The following CA8 variants were observed in gnomAD, a reference collection of about 807,000 sequenced individuals.
The protein encoded by CA8 is carbonic anhydrase 8 (inactive).
Under a neutral mutation model 41.4 loss-of-function variants are expected in CA8, and 22 were observed. That is an observed-to-expected ratio of 0.53 (90% CI 0.38 to 0.76). CA8 has a LOEUF of 0.76. Ranked by LOEUF, CA8 falls within the 30% of genes least tolerant of loss-of-function variation. The probability of loss-of-function intolerance (pLI) is 0.00; values close to 1 mark genes in which losing one functional copy is unlikely to be tolerated. For synonymous variants in CA8, 121 were observed against 130.6 expected (o/e 0.93, Z 0.50); for missense variants, 270 against 352.8 (o/e 0.77, Z 1.88).
At chr8:60,271,451 A>C (rs1312899902) in intron 2 of CA8, among the ~76,000 whole-genome samples, 1 of 152,248 alleles carries the variant, frequency 6.6e-6, no homozygotes, top group Non-Finnish European at 1.5e-5. Flanking sequence ...ATAATTTTTA[A>C]GATATTTTTG....
intron 3 of CA8, among the ~76,000 whole-genome samples, chr8:60,252,905 G>A (rs1808501328): frequency 6.6e-6 from 1 of 151,946 alleles, no homozygotes; most frequent in African/African-American, 2.4e-5. Context: ...AACCTATATT[G>A]TTCTTTAACT....
At chr8:60,225,664 A>G (rs1807412880) in intron 5 of CA8, among the ~76,000 whole-genome samples, 1 of 152,150 alleles carries the variant, frequency 6.6e-6, no homozygotes, top group South Asian at 2.1e-4. Flanking sequence ...TGATTCCCAA[A>G]TTGATCTTTC....
intron 3 of CA8, among the ~76,000 whole-genome samples, chr8:60,248,944 G>A (rs922041100): frequency 3.7e-4 from 57 of 152,160 alleles, no homozygotes; most frequent in African/African-American, 1.2e-3. Context: ...CTTGAGCAGT[G>A]GTTTGTAGTT....
intron 1 of CA8, among the ~76,000 whole-genome samples, chr8:60,280,270 G>A (rs1344073831): frequency 6.6e-6 from 1 of 152,180 alleles, no homozygotes; most frequent in African/African-American, 2.4e-5. Flanking sequence ...CTTAGTGACA[G>A]TCAGAACCCT....
intron 8 of CA8, among the ~76,000 whole-genome samples, chr8:60,192,298 T>A (rs1200606767): frequency 6.6e-6 from 1 of 152,166 alleles, no homozygotes; most frequent in Non-Finnish European, 1.5e-5. Context: ...TGCTGTAAGA[T>A]TTTAGGCAAT....
intron 2 of CA8, among the ~76,000 whole-genome samples, chr8:60,276,784 C>A (rs867889468): frequency 6.6e-6 from 1 of 151,960 alleles, no homozygotes; most frequent in Admixed American, 6.6e-5. Context: ...AAGTATACAG[C>A]GATAATACGA....
At chr8:60,239,380 T>C (rs2130515961) in intron 3 of CA8, among the ~76,000 whole-genome samples, 1 of 152,306 alleles carries the variant, frequency 6.6e-6, no homozygotes, top group African/African-American at 2.4e-5. Flanking sequence ...AGGGAGCAGA[T>C]ACCCCTAGAG....
intron 7 of CA8, among the ~76,000 whole-genome samples, chr8:60,217,274 C>G (rs1229460922): frequency 6.6e-6 from 1 of 152,156 alleles, no homozygotes; most frequent in Non-Finnish European, 1.5e-5. Context: ...CCATAGACAC[C>G]CAGCTCGTCT....
rs1230118976 is a variant in CA8, at chr8:60,224,589, A to G, written c.577-4T>C. Reference sequence around the variant, plus strand: ...AAGGTATTGTTTTGGACTTCCCCTGAAAAAGAAAAAAATATTTACCCAATG... The same window carrying G: ...AAGGTATTGTTTTGGACTTCCCCTGGAAAAGAAAAAAATATTTACCCAATG... On this transcript the variant is annotated splice_polypyrimidine_tract_variant and splice_region_variant and intron_variant, in intron 5 of 8. Coordinates refer to ENST00000317995, the MANE Select transcript of CA8 (RefSeq NM_004056.6). 1 of 1,510,402 alleles carries G rather than the reference A, an allele frequency of 6.6e-7. No homozygotes were observed. Among genetic ancestry groups the G allele is most frequent in the East Asian group, 2.3e-5 (1 of 44,236 alleles). 93.6% of individuals were successfully genotyped at this position (1,510,402 alleles called of 1,614,324 possible).
chr8:60,264,648 C>T (rs1803843749), intron 3 of CA8, among the ~76,000 whole-genome samples: 1 of 152,162 alleles, frequency 6.6e-6, no homozygotes, highest in South Asian at 2.1e-4. Context: ...CCCATCAAGG[C>T]CTTTGAGAAA....
intron 3 of CA8, among the ~76,000 whole-genome samples, chr8:60,247,817 G>C (rs1808303625): frequency 6.6e-6 from 1 of 152,164 alleles, no homozygotes; most frequent in Non-Finnish European, 1.5e-5. Flanking sequence ...CTAGATCCTT[G>C]AGGAATCGCC....
At chr8:60,204,416 G>GA (rs1166391955) in intron 8 of CA8, among the ~76,000 whole-genome samples, 12 of 152,016 alleles carry the variant, frequency 7.9e-5, no homozygotes, top group Admixed American at 5.2e-4. Context: ...ATAGTGGGAG[G>GA]AAAAAATCAT....
intron 2 of CA8, among the ~76,000 whole-genome samples, chr8:60,276,671 G>A (rs1804246315): frequency 6.6e-6 from 1 of 152,104 alleles, no homozygotes; most frequent in Non-Finnish European, 1.5e-5. Context: ...CTATTTGGGT[G>A]ACAGTTACAC....
chr8:60,219,190 GC>G (rs1807144394), intron 7 of CA8, among the ~76,000 whole-genome samples: 1 of 146,916 alleles, frequency 6.8e-6, no homozygotes, highest in South Asian at 2.1e-4. Flanking sequence ...ACGGAGTCTC[GC>G]TCTGTTGCCC....
intron 3 of CA8, among the ~76,000 whole-genome samples, chr8:60,258,776 C>T (rs187957526): frequency 5.9e-5 from 9 of 152,016 alleles, no homozygotes; most frequent in Admixed American, 3.3e-4. Flanking sequence ...CCCTCACATG[C>T]GCAGTTCACA....
At chr8:60,203,822 T>TA (rs991815555) in intron 8 of CA8, among the ~76,000 whole-genome samples, 1 of 152,070 alleles carries the variant, frequency 6.6e-6, no homozygotes, top group African/African-American at 2.4e-5. Flanking sequence ...ACCTAATTCA[T>TA]AAAAAAAATT....
chr8:60,269,116 A>C (rs1803988787), intron 2 of CA8, among the ~76,000 whole-genome samples: 1 of 152,232 alleles, frequency 6.6e-6, no homozygotes, highest in Non-Finnish European at 1.5e-5. Context: ...GCCAGGTAAG[A>C]GCATTACCTG....
At chr8:60,199,992 G>C (rs1806376903) in intron 8 of CA8, among the ~76,000 whole-genome samples, 1 of 152,170 alleles carries the variant, frequency 6.6e-6, no homozygotes, top group South Asian at 2.1e-4. Flanking sequence ...TCTCTAACCA[G>C]AACTCCTATG....
chr8:60,234,502 G>A (rs775819153), intron 3 of CA8, among the ~76,000 whole-genome samples: 37 of 152,114 alleles, frequency 2.4e-4, no homozygotes, highest in Non-Finnish European at 3.8e-4. Flanking sequence ...GGGTATATGG[G>A]AATTTTCTGT....
Sources: allele counts gnomAD v4.1 joint callset (sites outside exome capture counted in the v4.1 genomes callset), GRCh38; gene constraint gnomAD v4.1.1; transcripts MANE v1.5; gene names NCBI Gene and HGNC (gene_info 2026-07-23, HGNC 2026-07-21).